The following GNAQ variants were observed in gnomAD, a reference collection of about 807,000 sequenced individuals.
GNAQ encodes the protein G protein subunit alpha q.
A neutral mutation model predicts 43.9 loss-of-function variants in GNAQ; 8 were observed. The ratio of observed to expected loss-of-function variants is 0.18; its 90% CI spans 0.11 to 0.33. The LOEUF is 0.33. Among genes scored for constraint, GNAQ ranks in the 10% least tolerant of loss-of-function variants. GNAQ has a pLI of 1.00. For synonymous variants in GNAQ, 155 were observed against 170.7 expected, an observed-to-expected ratio of 0.91 and a Z score of 0.71; for missense variants, 158 against 450.8, an observed-to-expected ratio of 0.35 and a Z score of 5.88.
At chr9:77,929,757 G>A (rs1198801614) in intron 1 of GNAQ, among the ~76,000 whole-genome samples, 1 of 152,110 alleles carries the variant, frequency 6.6e-6, no homozygotes, top group Non-Finnish European at 1.5e-5. Context: ...TTGAACCCAA[G>A]AGGCGAAAGC....
At chr9:77,842,589 C>T (rs769430400) in intron 2 of GNAQ, among the ~76,000 whole-genome samples, 1 of 152,146 alleles carries the variant, frequency 6.6e-6, no homozygotes, top group Non-Finnish European at 1.5e-5. Flanking sequence ...GAGACAGAAT[C>T]GTGGAGAAAC....
intron 1 of GNAQ, among the ~76,000 whole-genome samples, chr9:77,924,166 T>C (rs910409997): frequency 6.6e-6 from 1 of 152,158 alleles, no homozygotes; most frequent in African/African-American, 2.4e-5. Flanking sequence ...TCACCCCAGT[T>C]TAACAGGATT....
At chr9:77,839,089 A>G (rs1204620808) in intron 2 of GNAQ, among the ~76,000 whole-genome samples, 1 of 152,210 alleles carries the variant, frequency 6.6e-6, no homozygotes, top group African/African-American at 2.4e-5. Flanking sequence ...TGCCTCCAGT[A>G]GAACCCTTCA....
intron 5 of GNAQ, among the ~76,000 whole-genome samples, chr9:77,773,763 G>A (rs778385817): frequency 8.5e-5 from 13 of 152,196 alleles, no homozygotes; most frequent in East Asian, 1.9e-4. Context: ...AGATGTTACT[G>A]TAGGAGATTT....
chr9:78,021,679 G>A (rs759804852), intron 1 of GNAQ, among the ~76,000 whole-genome samples: 62 of 152,344 alleles, frequency 4.1e-4, no homozygotes, highest in Non-Finnish European at 2.1e-4. Context: ...CCAGCCAGCT[G>A]TCACTGAAAA....
At chr9:77,903,393 C>CCT (rs1828643059) in intron 2 of GNAQ, among the ~76,000 whole-genome samples, 1 of 152,122 alleles carries the variant, frequency 6.6e-6, no homozygotes, top group African/African-American at 2.4e-5. Flanking sequence ...CCTCACAAAG[C>CCT]CTCAGTTTCC....
chr9:77,813,367 C>A (rs771897468), intron 3 of GNAQ, among the ~76,000 whole-genome samples: 2 of 152,096 alleles, frequency 1.3e-5, no homozygotes, highest in Non-Finnish European at 2.9e-5. Context: ...GGAGTGTGCC[C>A]GTTTCTATGG....
intron 2 of GNAQ, among the ~76,000 whole-genome samples, chr9:77,821,724 G>GGGGGGTGTGTGT (rs201504418): frequency 2.1e-4 from 30 of 142,398 alleles, no homozygotes; most frequent in African/African-American, 7.4e-4. Context: ...TCCTAGTATG[G>GGGGGGTGTGTGT]GTGTGTGTGT....
Position 77,876,941 on chromosome 9 carries a change from T to A in GNAQ, c.321+45220A>T, listed in dbSNP as rs559981095. Among the ~76,000 whole-genome samples, 12 of 152,198 alleles carry A rather than the reference T, an allele frequency of 7.9e-5. No individual in the cohort carries two copies. The South Asian group carries it at 2.5e-3, about 32-fold the overall frequency. On this transcript the variant is annotated intron_variant, in intron 2 of 6. Transcript: ENST00000286548. ...AAAGGTCAAAATTCTCCACACAGAG[T>A]AACTGAGGAAAAATCAATTAAAACA...
chr9:77,936,061 G>A (rs905101072), intron 1 of GNAQ, among the ~76,000 whole-genome samples: 1 of 152,204 alleles, frequency 6.6e-6, no homozygotes, highest in African/African-American at 2.4e-5. Flanking sequence ...TACTCCTTGA[G>A]AAAGTAAAGT....
chr9:77,847,679 C>T (rs891437715), intron 2 of GNAQ, among the ~76,000 whole-genome samples: 1 of 152,166 alleles, frequency 6.6e-6, no homozygotes, highest in Non-Finnish European at 1.5e-5. Flanking sequence ...GGTCAACTGG[C>T]TACAAATATC....
At chr9:77,748,549 C>G (rs1825765110) in intron 5 of GNAQ, among the ~76,000 whole-genome samples, 1 of 152,164 alleles carries the variant, frequency 6.6e-6, no homozygotes. Context: ...TGGAGGATGA[C>G]AGAAGTAGGT....
intron 2 of GNAQ, among the ~76,000 whole-genome samples, chr9:77,856,248 C>G (rs912661254): frequency 6.6e-6 from 1 of 152,064 alleles, no homozygotes; most frequent in Non-Finnish European, 1.5e-5. Flanking sequence ...TCTAGGTTCT[C>G]CATCTTGTGA....
At chr9:77,995,302 T>A (rs1342967790) in intron 1 of GNAQ, among the ~76,000 whole-genome samples, 1 of 152,164 alleles carries the variant, frequency 6.6e-6, no homozygotes, top group Non-Finnish European at 1.5e-5. Flanking sequence ...AGGTCCACAC[T>A]CTTAACCACT....
intron 3 of GNAQ, among the ~76,000 whole-genome samples, chr9:77,813,375 T>C (rs911964183): frequency 6.6e-5 from 10 of 152,208 alleles, no homozygotes; most frequent in African/African-American, 1.4e-4. Flanking sequence ...CCCGTTTCTA[T>C]GGCAGACTAA....
intron 2 of GNAQ, among the ~76,000 whole-genome samples, chr9:77,865,219 G>A (rs936621013): frequency 6.6e-6 from 1 of 152,190 alleles, no homozygotes; most frequent in Non-Finnish European, 1.5e-5. Flanking sequence ...CAGATCAAGA[G>A]TCAGTATAAA....
chr9:77,977,277 G>C (rs967134452), intron 1 of GNAQ, among the ~76,000 whole-genome samples: 3 of 152,108 alleles, frequency 2.0e-5, no homozygotes, highest in South Asian at 2.1e-4. Flanking sequence ...CCCCATCTCA[G>C]TACTACTGTC....
intron 2 of GNAQ, among the ~76,000 whole-genome samples, chr9:77,821,231 T>C (rs935712540): frequency 5.9e-5 from 9 of 152,290 alleles, no homozygotes; most frequent in Admixed American, 2.6e-4. Context: ...ACTATAGTTA[T>C]ACTGTCTTTC....
intron 1 of GNAQ, among the ~76,000 whole-genome samples, chr9:77,987,411 T>C (rs1332734627): frequency 1.3e-5 from 2 of 152,130 alleles, no homozygotes; most frequent in Non-Finnish European, 2.9e-5. Context: ...CAGAGTAACA[T>C]ATGCTGAATA....
Sources: allele counts gnomAD v4.1 joint callset (sites outside exome capture counted in the v4.1 genomes callset), GRCh38; gene constraint gnomAD v4.1.1; transcripts MANE v1.5; gene names NCBI Gene and HGNC (gene_info 2026-07-23, HGNC 2026-07-21).